Variants in HTR2C observed in about 807,000 individuals in gnomAD.
The protein encoded by HTR2C is 5-hydroxytryptamine receptor 2C, also known as 5-hydroxytryptamine (serotonin) receptor 2C, G protein-coupled.
HTR2C carries 5 observed loss-of-function variants against 21.0 expected under a neutral mutation model. That is an observed-to-expected ratio of 0.24 (90% CI 0.12 to 0.50). HTR2C has a LOEUF of 0.50. Among genes scored for constraint, HTR2C ranks in the 20% least tolerant of loss-of-function variants. The probability of loss-of-function intolerance (pLI) is 0.98; values close to 1 mark genes in which losing one functional copy is unlikely to be tolerated. For synonymous variants in HTR2C, 150 were observed against 145.3 expected (o/e 1.03, Z -0.23); for missense variants, 271 against 371.2 (o/e 0.73, Z 2.22).
chrX:114,755,333 C>T (rs781899070), intron 4 of HTR2C, among the ~76,000 whole-genome samples: 1 of 110,876 alleles, frequency 9.0e-6, no homozygotes, highest in Non-Finnish European at 1.9e-5. Context: ...ATCAACTTGT[C>T]TGCAAGGTCA....
chrX:114,701,930 C>T (rs1198786315), intron 2 of HTR2C, among the ~76,000 whole-genome samples: 15 of 110,681 alleles, frequency 1.4e-4, no homozygotes, highest in Admixed American at 4.8e-4. Context: ...CCTCAGGAGC[C>T]GATGCAATCA....
intron 5 of HTR2C, among the ~76,000 whole-genome samples, chrX:114,885,209 T>G (rs2071211610): frequency 9.0e-6 from 1 of 111,622 alleles, no homozygotes; most frequent in African/African-American, 3.2e-5. Context: ...ATAATAAAAA[T>G]TATGTAAAAT....
chrX:114,805,636 C>CACAT lies in HTR2C; in HGVS notation c.350-42367_350-42366insACAT, dbSNP rs1229030429. On this transcript the variant is annotated intron_variant, in intron 4 of 5. Coordinates refer to ENST00000276198, the MANE Select transcript of HTR2C (RefSeq NM_000868.4). ...ACATCATATATATACCATATATATACCATATATATACACCATATATATACC... is the reference window on the plus strand; with the variant it reads ...ACATCATATATATACCATATATATACACATCATATATATACACCATATATATACC... Among the ~76,000 whole-genome samples the CACAT allele has an allele frequency of 2.8e-3, 42 of 15,119 alleles. 6 individuals are homozygous for CACAT. The highest frequency in any genetic ancestry group is 0.015 in the African/African-American group (38 of 2,543). 13.1% of individuals were successfully genotyped at this position (15,119 alleles called of 115,157 possible). A position where few individuals can be genotyped will look rare whatever the true frequency, so the allele number is the denominator to read the frequency against.
At chrX:114,587,776 T>C (rs1248300043) in intron 1 of HTR2C, among the ~76,000 whole-genome samples, 1 of 111,847 alleles carries the variant, frequency 8.9e-6, no homozygotes, top group Admixed American at 9.5e-5. Context: ...TAAGAAGGCT[T>C]TTTCATATAC....
intron 2 of HTR2C, among the ~76,000 whole-genome samples, chrX:114,680,443 A>G (rs1048122291): frequency 8.9e-6 from 1 of 112,181 alleles, no homozygotes; most frequent in African/African-American, 3.2e-5. Context: ...AGACCCAAAG[A>G]CATCATTAGA....
At chrX:114,848,711 A>G (rs1186616381) in intron 5 of HTR2C, among the ~76,000 whole-genome samples, 1 of 111,077 alleles carries the variant, frequency 9.0e-6, no homozygotes, top group East Asian at 2.8e-4. Context: ...TATGACACCT[A>G]AAATGTACTA....
intron 2 of HTR2C, among the ~76,000 whole-genome samples, chrX:114,679,278 T>G (rs1931670062): frequency 9.0e-6 from 1 of 110,546 alleles, no homozygotes; most frequent in Non-Finnish European, 1.9e-5. Flanking sequence ...TTTTTTAAAT[T>G]TATTTATTAT....
At chrX:114,690,375 T>C (rs1272758245) in intron 2 of HTR2C, among the ~76,000 whole-genome samples, 4 of 111,863 alleles carry the variant, frequency 3.6e-5, no homozygotes, top group Non-Finnish European at 7.5e-5. Context: ...TTTCTTTTCT[T>C]CTCCAGAATA....
chrX:114,690,456 C>T (rs782360359), intron 2 of HTR2C, among the ~76,000 whole-genome samples: 1 of 111,302 alleles, frequency 9.0e-6, no homozygotes, highest in African/African-American at 3.3e-5. Flanking sequence ...GCCTCTATAC[C>T]CTTCAAGATG....
chrX:114,713,155 C>T (rs1358753098), intron 2 of HTR2C, among the ~76,000 whole-genome samples: 3 of 111,500 alleles, frequency 2.7e-5, no homozygotes, highest in Non-Finnish European at 3.8e-5. Flanking sequence ...CTCCATAACA[C>T]CATCATCCAG....
chrX:114,750,323 G>A, intron 4 of HTR2C, among the ~76,000 whole-genome samples: 1 of 111,652 alleles, frequency 9.0e-6, no homozygotes, highest in Non-Finnish European at 1.9e-5. Flanking sequence ...CTGTTATCCT[G>A]TCATTGTATG....
chrX:114,839,493 C>T (rs4590606), intron 4 of HTR2C, among the ~76,000 whole-genome samples: 2,121 of 111,121 alleles, frequency 0.019, 49 homozygotes, highest in African/African-American at 0.065. Context: ...TAGAGACCCA[C>T]CTGGGCAACA....
At chrX:114,673,836 CT>C (rs1225342948) in intron 2 of HTR2C, among the ~76,000 whole-genome samples, 4 of 111,386 alleles carry the variant, frequency 3.6e-5, no homozygotes, top group Middle Eastern at 4.3e-3. Context: ...ATTGTGGAAA[CT>C]TTTTTTGCTA....
At chrX:114,597,082 G>A (rs1927885633) in intron 1 of HTR2C, among the ~76,000 whole-genome samples, 1 of 109,315 alleles carries the variant, frequency 9.1e-6, no homozygotes, top group African/African-American at 3.3e-5. Context: ...TCCCGGCGTG[G>A]TTGTGTGTGC....
intron 4 of HTR2C, among the ~76,000 whole-genome samples, chrX:114,736,142 T>C (rs782186062): frequency 1.8e-5 from 2 of 109,801 alleles, no homozygotes; most frequent in East Asian, 5.7e-4. Flanking sequence ...GAAAACATAA[T>C]GCACTTAACA....
chrX:114,590,207 G>T (rs1282213175), intron 1 of HTR2C, among the ~76,000 whole-genome samples: 1 of 111,722 alleles, frequency 9.0e-6, no homozygotes, highest in Non-Finnish European at 1.9e-5. Context: ...TTTCAGGGTA[G>T]AAAGACCATA....
intron 2 of HTR2C, among the ~76,000 whole-genome samples, chrX:114,694,855 C>T (rs1283853493): frequency 9.0e-6 from 1 of 111,428 alleles, no homozygotes; most frequent in Non-Finnish European, 1.9e-5. Context: ...AACCAATAAT[C>T]TAAAAATCAC....
At chrX:114,776,121 C>T (rs1406128150) in intron 4 of HTR2C, 8 of 496,854 alleles carry the variant, frequency 1.6e-5, no homozygotes, top group South Asian at 2.8e-5. Context: ...CCAGATTTGA[C>T]CTCAAAGATT....
At position 114,907,214 on chromosome X, in the gene HTR2C, G is replaced by C; in HGVS notation, c.1176G>C (p.Lys392Asn). 1 of 1,211,424 alleles carries C rather than the reference G, an allele frequency of 8.3e-7. No individual in the cohort carries two copies. The highest frequency in any genetic ancestry group is 1.1e-6 in the Non-Finnish European group (1 of 895,369). Residue 392 changes from lysine to asparagine, a missense_variant, in exon 6 of 6, where the codon AAG becomes AAC. Around this residue, in one of 5 missense-constraint regions of HTR2C, gnomAD observed 192 missense variants for 247.2 expected, o/e 0.78. Coordinates refer to ENST00000276198, the MANE Select transcript of HTR2C (RefSeq NM_000868.4). ...YLRCNYKVEK[K>N]PPVRQIPRVA... The stretch of plus-strand genomic sequence containing the variant: ...GTTGCAATTATAAGGTAGAGAAAAA[G>C]CCTCCTGTCAGGCAGATTCCAAGAG...
Sources: allele counts gnomAD v4.1 joint callset (sites outside exome capture counted in the v4.1 genomes callset), GRCh38; gene constraint gnomAD v4.1.1; regional missense constraint gnomAD v4.1.1; transcripts MANE v1.5; gene names NCBI Gene and HGNC (gene_info 2026-07-23, HGNC 2026-07-21).